The following SPTLC3 variants were observed in gnomAD, a reference collection of about 807,000 sequenced individuals.
SPTLC3 encodes serine palmitoyltransferase long chain base subunit 3.
SPTLC3 carries 36 observed loss-of-function variants against 59.3 expected under a neutral mutation model. The observed-to-expected ratio is 0.61, with a 90% CI of 0.47 to 0.80. The LOEUF (loss-of-function observed/expected upper bound fraction) is 0.80, where lower values mean the gene tolerates loss of function less well. Ranked by LOEUF, SPTLC3 falls within the 30% of genes least tolerant of loss-of-function variation. SPTLC3 has a pLI of 0.00. For synonymous variants in SPTLC3, 257 were observed against 240.8 expected, an observed-to-expected ratio of 1.07 and a Z score of -0.62; for missense variants, 625 against 685.1, an observed-to-expected ratio of 0.91 and a Z score of 0.98.
In SPTLC3 at chr20:13,110,250, G is replaced by A. The variant is rs186355763; in HGVS notation, c.932+33G>A. ...AATAACAGGACACATTTTACGACTC[G>A]GAGGCCTGCAGCAAGCTGACCAGTG... On this transcript the variant is annotated intron_variant, in intron 7 of 11. Transcript: ENST00000399002. 428 of 1,580,592 alleles carry A rather than the reference G, an allele frequency of 2.7e-4. 2 individuals carry two copies. The highest frequency in any genetic ancestry group is 9.5e-4 in the South Asian group (84 of 88,608).
Position 13,074,506 on chromosome 20 carries a change from A to T in SPTLC3, c.607+9A>T. On this transcript the variant is annotated intron_variant, in intron 4 of 11. Coordinates refer to ENST00000399002, the MANE Select transcript of SPTLC3 (RefSeq NM_018327.4). ...CACCAGGCATGAAATGGGTATGTAC[A>T]TTCACTGTTTTGAAACTTTTTGCTG... 2 of 1,597,896 alleles carry T rather than the reference A, an allele frequency of 1.3e-6. No homozygotes were observed. The highest frequency in any genetic ancestry group is 2.3e-5 in the South Asian group (2 of 87,958).
chr20:13,112,902 G>A (rs1233490651), intron 7 of SPTLC3, among the ~76,000 whole-genome samples: 3 of 152,158 alleles, frequency 2.0e-5, no homozygotes, highest in Admixed American at 6.5e-5. Context: ...TTCCCATAAG[G>A]CCAGGTGCAG....
In SPTLC3 at chr20:13,093,542, T is replaced by G; in HGVS notation, c.791T>G (p.Leu264Arg). 1.2e-6 allele frequency: 2 copies of G among 1,613,616 alleles called. No homozygotes were observed. Among genetic ancestry groups the G allele is most frequent in the Non-Finnish European group, 1.7e-6 (2 of 1,179,568 alleles). Residue 264 changes from leucine (L) to arginine (R), a missense_variant, in exon 6 of 12, where the codon CTC (leucine) becomes CGC (arginine). Transcript: ENST00000399002. ...NHTSLVLGAR[L>R]SGATIRIFKH... ...ACATCGCTTGTGCTTGGGGCCCGAC[T>G]CTCAGGTGCAACCATAAGAATCTTC...
chr20:13,067,837 A>G (rs1290253776), intron 2 of SPTLC3, among the ~76,000 whole-genome samples: 1 of 152,222 alleles, frequency 6.6e-6, no homozygotes, highest in Non-Finnish European at 1.5e-5. Context: ...TATAAAATAC[A>G]GTATTCGGTG....
At position 13,168,180 on chromosome 20, in the gene SPTLC3, CT is replaced by C. The variant is rs55633710; in HGVS notation, c.*3330del. 3,808 of 140,222 alleles carry C rather than the reference CT, an allele frequency of 0.027. 62 individuals carry two copies. The highest frequency in any genetic ancestry group is 0.032 in the Non-Finnish European group (2,039 of 64,650). The allele number at this position is 140,222 out of a possible 1,614,324, so 8.7% of individuals were successfully genotyped here. A position where few individuals can be genotyped will look rare whatever the true frequency, so the allele number is the denominator to read the frequency against. On this transcript the variant is annotated 3_prime_UTR_variant, in exon 12 of 12. Transcript: ENST00000399002. ...TGTGGTATCTTTCTTTTCTTTCTTT[CT>C]TTTTTTTTTTTTTTTTGAGACAGAG...
chr20:13,115,616 T>A (rs994086325), intron 7 of SPTLC3, among the ~76,000 whole-genome samples: 10 of 152,138 alleles, frequency 6.6e-5, no homozygotes, highest in Admixed American at 5.9e-4. Flanking sequence ...CTGCAGCCAT[T>A]TATTATGTAT....
At chr20:13,139,894 C>T (rs1167334805) in intron 9 of SPTLC3, among the ~76,000 whole-genome samples, 2 of 152,202 alleles carry the variant, frequency 1.3e-5, no homozygotes, top group South Asian at 4.1e-4. Flanking sequence ...GATCTCTCCT[C>T]CTTTTTTAGG....
intron 9 of SPTLC3, among the ~76,000 whole-genome samples, chr20:13,152,203 G>A (rs751234887): frequency 1.3e-5 from 2 of 152,122 alleles, no homozygotes; most frequent in Admixed American, 1.3e-4. Context: ...TTCTCCTTGC[G>A]TATAACATAG....
chr20:13,139,997 C>A (rs1384097793), intron 9 of SPTLC3, among the ~76,000 whole-genome samples: 1 of 152,140 alleles, frequency 6.6e-6, no homozygotes, highest in Non-Finnish European at 1.5e-5. Context: ...GTGTTGCTAT[C>A]ATTGCTGTGA....
chr20:13,042,888 A>AT (rs1196481863), intron 1 of SPTLC3, among the ~76,000 whole-genome samples: 40 of 152,230 alleles, frequency 2.6e-4, no homozygotes, highest in African/African-American at 8.2e-4. Context: ...TATTTTTATA[A>AT]TTTTTACCAG....
At chr20:13,107,329 A>G (rs1989959844) in intron 6 of SPTLC3, among the ~76,000 whole-genome samples, 1 of 152,180 alleles carries the variant, frequency 6.6e-6, no homozygotes, top group Non-Finnish European at 1.5e-5. Flanking sequence ...TAAAAGGAAA[A>G]TGGGTTAAAA....
At chr20:13,107,410 T>C (rs888245256) in intron 6 of SPTLC3, among the ~76,000 whole-genome samples, 1 of 151,760 alleles carries the variant, frequency 6.6e-6, no homozygotes, top group African/African-American at 2.4e-5. Context: ...TGAAAAATGG[T>C]GTCCAGATGG....
chr20:13,116,526 A>C (rs1340541697), intron 7 of SPTLC3, among the ~76,000 whole-genome samples: 1 of 152,132 alleles, frequency 6.6e-6, no homozygotes, highest in Admixed American at 6.5e-5. Context: ...TTATTCATAG[A>C]CTACATTTTT....
intron 5 of SPTLC3, among the ~76,000 whole-genome samples, chr20:13,091,592 A>G (rs1186817281): frequency 1.5e-5 from 1 of 67,532 alleles, no homozygotes; most frequent in Non-Finnish European, 4.3e-5. Context: ...AAAGAAAAAA[A>G]GAAGAAGTAT....
intron 9 of SPTLC3, among the ~76,000 whole-genome samples, chr20:13,135,425 G>A (rs1402696367): frequency 6.6e-6 from 1 of 152,068 alleles, no homozygotes; most frequent in African/African-American, 2.4e-5. Context: ...TTGATGACAT[G>A]GTGTTGAAAT....
At chr20:13,090,753 G>A (rs1010003720) in intron 4 of SPTLC3, among the ~76,000 whole-genome samples, 1 of 152,100 alleles carries the variant, frequency 6.6e-6, no homozygotes, top group Non-Finnish European at 1.5e-5. Context: ...TTATGTAAAC[G>A]AAATGATACA....
At chr20:13,110,734 G>T (rs1990185193) in intron 7 of SPTLC3, among the ~76,000 whole-genome samples, 2 of 152,098 alleles carry the variant, frequency 1.3e-5, no homozygotes. Context: ...TCTTGTTCCA[G>T]AGCCAGCGGG....
Position 13,048,983 on chromosome 20 carries a change from T to G in SPTLC3, c.156T>G (p.Val52=). The G allele has an allele frequency of 6.3e-7, 1 of 1,590,898 alleles. No individual in the cohort carries two copies. The highest frequency in any genetic ancestry group is 8.5e-7 in the Non-Finnish European group (1 of 1,173,128). Residue 52 remains valine (V), a synonymous_variant, in exon 2 of 12, where the codon GTT becomes GTG. Coordinates refer to ENST00000399002, the MANE Select transcript of SPTLC3 (RefSeq NM_018327.4). The stretch of plus-strand genomic sequence containing the variant: ...CACATTTTTATGATAAGCTCATTGT[T>G]GAATCGTTTGAGGAAGCACCCCTTC... The part of the protein sequence containing the change: ...GKPHFYDKLI[V]ESFEEAPLHV...
At chr20:13,030,074 C>A (rs1392882844) in intron 1 of SPTLC3, among the ~76,000 whole-genome samples, 2 of 152,114 alleles carry the variant, frequency 1.3e-5, no homozygotes, top group Non-Finnish European at 2.9e-5. Flanking sequence ...GTTTGTAATC[C>A]AAGTTCAGTC....
Sources: allele counts gnomAD v4.1 joint callset (sites outside exome capture counted in the v4.1 genomes callset), GRCh38; gene constraint gnomAD v4.1.1; transcripts MANE v1.5; gene names NCBI Gene and HGNC (gene_info 2026-07-23, HGNC 2026-07-21).